The following SCGB2A2 variants were observed in gnomAD, a reference collection of about 807,000 sequenced individuals.
SCGB2A2 encodes mammaglobin-A.
SCGB2A2 carries 11 observed loss-of-function variants against 8.8 expected under a neutral mutation model. The ratio of observed to expected loss-of-function variants is 1.25; its 90% CI spans 0.79 to 2.07. The LOEUF is 2.07. Ranked by LOEUF, SCGB2A2 falls within the 30% of genes most tolerant of loss-of-function variation. SCGB2A2 has a pLI of 0.00. For missense variants in SCGB2A2, 113 were observed against 109.9 expected, an observed-to-expected ratio of 1.03 and a Z score of -0.13; for synonymous variants, 42 against 40.9, an observed-to-expected ratio of 1.03 and a Z score of -0.10.
At position 62,271,945 on chromosome 11, in the gene SCGB2A2, A is replaced by G. The variant is rs565324964; in HGVS notation, c.243+877A>G. On this transcript the variant is annotated intron_variant, in intron 2 of 2. Transcript: ENST00000227918. ...GAAGAATTGCCTCAAACAAAAACCAATAGTTTTGTATTTCTTTCTAACTAT... is the reference window on the plus strand; with the variant it reads ...GAAGAATTGCCTCAAACAAAAACCAGTAGTTTTGTATTTCTTTCTAACTAT... 7.4e-6 allele frequency: 7 copies of G among 941,864 alleles called. No homozygotes were observed. In the South Asian group the frequency reaches 3.5e-4, roughly 47 times the overall value. The allele number at this position is 941,864 out of a possible 1,614,324, so 58.3% of individuals were successfully genotyped here.
chr11:62,270,302 G>T (rs1320966812), intron 1 of SCGB2A2, 31 bp downstream of exon 1: 1 of 1,607,830 alleles, frequency 6.2e-7, no homozygotes, highest in Non-Finnish European at 8.5e-7. Flanking sequence ...GCTGCCTCGG[G>T]GTTAGGGGTT....
rs1433569656 is a variant in SCGB2A2, at chr11:62,270,966, A to G, written c.141A>G (p.Gln47=). The G allele has an allele frequency of 6.2e-7, 1 of 1,614,156 alleles. No individual in the cohort carries two copies. The highest frequency in any genetic ancestry group is 1.3e-5 in the African/African-American group (1 of 75,072). ...VSKTEYKELL[Q]EFIDDNATTN... is the part of the protein sequence containing the mutation. The stretch of plus-strand genomic sequence containing the variant: ...AGACTGAATACAAAGAACTTCTTCA[A>G]GAGTTCATAGACGACAATGCCACTA... Residue 47 remains glutamine (Q), a synonymous_variant, in exon 2 of 3, where the codon CAA becomes CAG. Coordinates refer to ENST00000227918, the MANE Select transcript of SCGB2A2 (RefSeq NM_002411.4).
chr11:62,270,858 G>A, intron 1 of SCGB2A2, 23 bp from the exon 2 acceptor site: 1 of 1,606,940 alleles, frequency 6.2e-7, no homozygotes, highest in Non-Finnish European at 8.5e-7. Context: ...TACCAAGCTT[G>A]TTTCCTTGTG....
chr11:62,271,775 C>T lies in SCGB2A2; in HGVS notation c.243+707C>T, dbSNP rs950039733. ...CTATTTTTCAACAGTTTGGAAAATACCATTTGAGCAAGATTCTATACATCT... is the reference window on the plus strand; with the variant it reads ...CTATTTTTCAACAGTTTGGAAAATATCATTTGAGCAAGATTCTATACATCT... On this transcript the variant is annotated intron_variant, in intron 2 of 2. Transcript: ENST00000227918. 10 of 985,326 alleles carry T rather than the reference C, an allele frequency of 1.0e-5. No homozygotes were observed. The Admixed American group carries it at 4.2e-4, about 42-fold the overall frequency. The allele number at this position is 985,326 out of a possible 1,614,324, so 61.0% of individuals were successfully genotyped here.
At chr11:62,272,873 A>G (rs1429087749) in intron 2 of SCGB2A2, 84 bp from the exon 3 acceptor site, 2 of 1,059,008 alleles carry the variant, frequency 1.9e-6, no homozygotes, top group Admixed American at 2.1e-5. Context: ...AAACCGTGGA[A>G]AAAGATAAGC....
Position 62,270,995 on chromosome 11 carries a change from A to G in SCGB2A2, c.170A>G (p.Asn57Ser). ...TTCATAGACGACAATGCCACTACAAATGCCATAGATGAATTGAAGGAATGT... is the reference window on the plus strand; with the variant it reads ...TTCATAGACGACAATGCCACTACAAGTGCCATAGATGAATTGAAGGAATGT... ...QEFIDDNATT[N>S]AIDELKECFL... is the part of the protein sequence containing the mutation. Residue 57 changes from asparagine to serine, a missense_variant, in exon 2 of 3, where the codon AAT becomes AGT. Physicochemically the swap from Asn to Ser is conservative, Grantham distance 46. Transcript: ENST00000227918. 6.2e-7 allele frequency: 1 copy of G among 1,614,156 alleles called. No individual in the cohort carries two copies. The highest frequency in any genetic ancestry group is 8.5e-7 in the Non-Finnish European group (1 of 1,179,980).
chr11:62,271,562 C>G lies in SCGB2A2; in HGVS notation c.243+494C>G, dbSNP rs1945279331. On this transcript the variant is annotated intron_variant, in intron 2 of 2. Transcript: ENST00000227918. ...TCATCCAGACACAAACACAAACACACAGACAGAACCACACAACCACAGAAA... is the reference window on the plus strand; with the variant it reads ...TCATCCAGACACAAACACAAACACAGAGACAGAACCACACAACCACAGAAA... The G allele has an allele frequency of 2.8e-6, 3 of 1,084,368 alleles. No individual in the cohort carries two copies. In the African/African-American group the frequency reaches 4.9e-5, roughly 18 times the overall value. 67.2% of individuals were successfully genotyped at this position (1,084,368 alleles called of 1,614,324 possible). A position where few individuals can be genotyped will look rare whatever the true frequency, so the allele number is the denominator to read the frequency against.
intron 2 of SCGB2A2, 147 bp from the exon 3 acceptor site, chr11:62,272,810 A>G (rs1370004951): frequency 2.0e-6 from 1 of 504,900 alleles, no homozygotes; most frequent in Non-Finnish European, 3.4e-6. Flanking sequence ...TCCAGAAACA[A>G]CAGCTCTTCT....
chr11:62,271,056 T>C lies in SCGB2A2; in HGVS notation c.231T>C (p.Val77=). ...LNQTDETLSN[V]EVFMQLIYDS... ...AAACGGATGAAACTCTGAGCAATGT[T>C]GAGGTGTTTATGGTAATTTCATTTT... Residue 77 remains valine (V), a synonymous_variant, in exon 2 of 3, where the codon GTT becomes GTC. Coordinates refer to ENST00000227918, the MANE Select transcript of SCGB2A2 (RefSeq NM_002411.4). The C allele has an allele frequency of 6.2e-7, 1 of 1,614,166 alleles. No individual in the cohort carries two copies. Among genetic ancestry groups the C allele is most frequent in the Non-Finnish European group, 8.5e-7 (1 of 1,179,996 alleles).
Position 62,271,058 on chromosome 11 carries a change from A to G in SCGB2A2, c.233A>G (p.Glu78Gly), listed in dbSNP as rs1051434369. 8.1e-6 allele frequency: 13 copies of G among 1,614,084 alleles called. No homozygotes were observed. The Admixed American group carries it at 8.3e-5, about 10-fold the overall frequency. ...NQTDETLSNV[E>G]VFMQLIYDSS... ...ACGGATGAAACTCTGAGCAATGTTG[A>G]GGTGTTTATGGTAATTTCATTTTCT... Residue 78 changes from glutamate (E) to glycine (G), a missense_variant, in exon 2 of 3, where the codon GAG becomes GGG. Transcript: ENST00000227918.
chr11:62,271,393 A>T, intron 2 of SCGB2A2: 1 of 1,427,200 alleles, frequency 7.0e-7, no homozygotes, highest in Non-Finnish European at 9.1e-7. Context: ...AAACACAGAA[A>T]CACACATACA....
chr11:62,270,783 A>G, intron 1 of SCGB2A2, 98 bp from the exon 2 acceptor site: 3 of 855,662 alleles, frequency 3.5e-6, no homozygotes, highest in East Asian at 2.6e-5. Flanking sequence ...TTGAGTCTAT[A>G]TTCTCTTGGG....
chr11:62,270,620 C>G lies in SCGB2A2; in HGVS notation c.56-261C>G, dbSNP rs571883161. Among the ~76,000 whole-genome samples, 5 of 152,342 alleles carry G rather than the reference C, an allele frequency of 3.3e-5. No homozygotes were observed. In the East Asian group the frequency reaches 9.6e-4, roughly 29 times the overall value. On this transcript the variant is annotated intron_variant, in intron 1 of 2. Coordinates refer to ENST00000227918, the MANE Select transcript of SCGB2A2 (RefSeq NM_002411.4). ...GATATACTTCCAAGTCCGAGTGTTT[C>G]ATTTCTCAAGTCTTCTCATTAAATG...
At position 62,270,184 on chromosome 11, in the gene SCGB2A2, C is replaced by A. The variant is rs1481954710; in HGVS notation, c.-33C>A. 1.9e-6 allele frequency: 3 copies of A among 1,612,068 alleles called. No individual in the cohort carries two copies. The Admixed American group carries it at 5.0e-5, about 27-fold the overall frequency. ...CAGCGGCTTCCTTGATCCTTGCCACCCGCGACTGAACACCGACAGCAGCAG... is the reference window on the plus strand; with the variant it reads ...CAGCGGCTTCCTTGATCCTTGCCACACGCGACTGAACACCGACAGCAGCAG... On this transcript the variant is annotated 5_prime_UTR_variant, in exon 1 of 3. Transcript: ENST00000227918.
rs559678942 is a variant in SCGB2A2, at chr11:62,271,066, A to G, written c.241A>G (p.Met81Val). Residue 81 changes from methionine (M) to valine (V), a missense_variant and splice_region_variant, in exon 2 of 3, where the codon ATG becomes GTG. Transcript: ENST00000227918. Reference protein sequence around the residue: ...DETLSNVEVFMQLIYDSSLCD... With the variant: ...DETLSNVEVFVQLIYDSSLCD... The stretch of plus-strand genomic sequence containing the variant: ...AACTCTGAGCAATGTTGAGGTGTTT[A>G]TGGTAATTTCATTTTCTTCCTATAA... 11 of 1,614,212 alleles carry G rather than the reference A, an allele frequency of 6.8e-6. No individual in the cohort carries two copies. Among genetic ancestry groups the G allele is most frequent in the East Asian group, 2.2e-5 (1 of 44,888 alleles).
rs200360643 is a variant in SCGB2A2, at chr11:62,270,198, C to G, written c.-19C>G. The G allele has an allele frequency of 6.2e-7, 1 of 1,613,648 alleles. No homozygotes were observed. The highest frequency in any genetic ancestry group is 1.3e-5 in the African/African-American group (1 of 75,026). On this transcript the variant is annotated 5_prime_UTR_variant, in exon 1 of 3. Transcript: ENST00000227918. ...ATCCTTGCCACCCGCGACTGAACAC[C>G]GACAGCAGCAGCCTCACCATGAAGT... is the stretch of plus-strand genomic sequence containing the variant.
At position 62,270,892 on chromosome 11, in the gene SCGB2A2, C is replaced by A; in HGVS notation, c.67C>A (p.Pro23Thr). 1 of 1,613,534 alleles carries A rather than the reference C, an allele frequency of 6.2e-7. No homozygotes were observed. The highest frequency in any genetic ancestry group is 8.5e-7 in the Non-Finnish European group (1 of 1,179,566). Reference sequence around the variant, plus strand: ...TGCATCCTTCCCAGGCTCTGGCTGCCCCTTATTGGAGAATGTGATTTCCAA... The same window carrying A: ...TGCATCCTTCCCAGGCTCTGGCTGCACCTTATTGGAGAATGTGATTTCCAA... ...SQHCYAGSGC[P>T]LLENVISKTI... The change falls in exon 2 of 3, where the codon CCC (proline) becomes ACC (threonine). Residue 23 changes from proline to threonine, a missense_variant. Coordinates refer to ENST00000227918, the MANE Select transcript of SCGB2A2 (RefSeq NM_002411.4).
chr11:62,271,723 TA>T, intron 2 of SCGB2A2: 6 of 986,168 alleles, frequency 6.1e-6, no homozygotes, highest in Non-Finnish European at 7.2e-6. Context: ...CAAAAAAAAG[TA>T]AAAGTGTTCT....
At chr11:62,272,526 A>G (rs1411148187) in intron 2 of SCGB2A2, among the ~76,000 whole-genome samples, 1 of 152,152 alleles carries the variant, frequency 6.6e-6, no homozygotes, top group East Asian at 1.9e-4. Flanking sequence ...TTCCTCAGAC[A>G]GATCATAGTC....
Sources: allele counts gnomAD v4.1 joint callset (sites outside exome capture counted in the v4.1 genomes callset), GRCh38; gene constraint gnomAD v4.1.1; transcripts MANE v1.5; gene names NCBI Gene and HGNC (gene_info 2026-07-23, HGNC 2026-07-21).